The following RNGTT variants were observed in gnomAD, a reference collection of about 807,000 sequenced individuals.
RNGTT encodes the protein RNA guanylyltransferase and 5'-phosphatase.
A neutral mutation model predicts 79.3 loss-of-function variants in RNGTT; 33 were observed. The ratio of observed to expected loss-of-function variants is 0.42; its 90% confidence interval spans 0.32 to 0.56. The LOEUF (loss-of-function observed/expected upper bound fraction) is 0.56, where lower values mean the gene tolerates loss of function less well. RNGTT is among the 20% of genes least tolerant of loss of function. RNGTT has a pLI of 0.17. For missense variants in RNGTT, 497 were observed against 739.1 expected (o/e 0.67, Z 3.80); for synonymous variants, 222 against 235.9 (o/e 0.94, Z 0.54).
chr6:88,959,478 C>G (rs143785224), intron 1 of RNGTT, among the ~76,000 whole-genome samples: 2 of 152,286 alleles, frequency 1.3e-5, no homozygotes, highest in Non-Finnish European at 2.9e-5. Context: ...ATCTCATGTG[C>G]ATAAGCCAGA....
intron 8 of RNGTT, among the ~76,000 whole-genome samples, chr6:88,864,786 T>C (rs1386413422): frequency 6.6e-6 from 1 of 152,124 alleles, no homozygotes; most frequent in Admixed American, 6.6e-5. Context: ...TTGTGATATA[T>C]GCTACAGCAT....
chr6:88,849,260 C>T (rs756537075), intron 10 of RNGTT, among the ~76,000 whole-genome samples: 2 of 151,892 alleles, frequency 1.3e-5, no homozygotes, highest in Non-Finnish European at 2.9e-5. Context: ...GTTTTAAATA[C>T]AGAATTTCAA....
chr6:88,919,610 C>T (rs1042454220), intron 4 of RNGTT, among the ~76,000 whole-genome samples: 3 of 151,596 alleles, frequency 2.0e-5, no homozygotes, highest in African/African-American at 2.4e-5. Flanking sequence ...TGAGCCACCA[C>T]ACCTGGCCCA....
At chr6:88,914,819 T>C (rs1041937731) in intron 4 of RNGTT, among the ~76,000 whole-genome samples, 3 of 151,992 alleles carry the variant, frequency 2.0e-5, no homozygotes, top group Non-Finnish European at 2.9e-5. Context: ...AAATAAACTA[T>C]CAACAGAGTA....
intron 8 of RNGTT, among the ~76,000 whole-genome samples, chr6:88,872,629 C>A (rs111955095): frequency 6.6e-6 from 1 of 151,986 alleles, no homozygotes. Context: ...AACGATGAGA[C>A]AGTAAATATT....
At chr6:88,767,326 C>A (rs758005715) in intron 13 of RNGTT, among the ~76,000 whole-genome samples, 17 of 151,938 alleles carry the variant, frequency 1.1e-4, no homozygotes, top group Non-Finnish European at 2.2e-4. Flanking sequence ...ATATTTAAAA[C>A]GTACTATGAA....
chr6:88,729,197 G>C (rs1777024436), intron 13 of RNGTT, among the ~76,000 whole-genome samples: 1 of 152,124 alleles, frequency 6.6e-6, no homozygotes, highest in Non-Finnish European at 1.5e-5. Flanking sequence ...GAGTTCCTTG[G>C]AGACCTGAAG....
intron 15 of RNGTT, among the ~76,000 whole-genome samples, 184 bp from the exon 16 acceptor site, chr6:88,613,066 G>A (rs1000105564): frequency 6.6e-6 from 1 of 152,112 alleles, no homozygotes; most frequent in Non-Finnish European, 1.5e-5. Context: ...CTTGTCTAAT[G>A]GCTACTCTTT....
intron 14 of RNGTT, among the ~76,000 whole-genome samples, chr6:88,660,992 T>C (rs2756390): frequency 0.27 from 40,347 of 152,032 alleles, 9,347 homozygotes; most frequent in African/African-American, 0.63. Context: ...TGGAATAAAA[T>C]TGAAAATTAA....
chr6:88,771,229 C>T (rs754533463), intron 12 of RNGTT, among the ~76,000 whole-genome samples: 24 of 148,320 alleles, frequency 1.6e-4, no homozygotes, highest in Non-Finnish European at 4.5e-5. Flanking sequence ...ATGGTTTCAG[C>T]TGTTATTTTT....
intron 4 of RNGTT, among the ~76,000 whole-genome samples, chr6:88,922,577 G>GA (rs375367569): frequency 1.3e-5 from 2 of 152,080 alleles, no homozygotes; most frequent in African/African-American, 4.8e-5. Flanking sequence ...ACCCAGGCTG[G>GA]AGTGCAGTGG....
chr6:88,765,867 T>C (rs559196030), intron 13 of RNGTT, among the ~76,000 whole-genome samples: 61 of 152,072 alleles, frequency 4.0e-4, no homozygotes, highest in Non-Finnish European at 6.9e-4. Context: ...TTAACAGTTA[T>C]GACAAATTAC....
intron 2 of RNGTT, among the ~76,000 whole-genome samples, chr6:88,929,829 CACATAT>C (rs1430981831): frequency 1.3e-5 from 2 of 151,092 alleles, no homozygotes; most frequent in East Asian, 1.9e-4. Context: ...TACATATACA[CACATAT>C]ACATATACAC....
intron 8 of RNGTT, among the ~76,000 whole-genome samples, chr6:88,861,492 T>C (rs940427757): frequency 1.3e-5 from 2 of 152,220 alleles, no homozygotes; most frequent in Non-Finnish European, 2.9e-5. Flanking sequence ...TTGCAAGATA[T>C]ACCCATGTCT....
At chr6:88,710,086 CAA>C (rs932625400) in intron 13 of RNGTT, among the ~76,000 whole-genome samples, 2 of 152,198 alleles carry the variant, frequency 1.3e-5, no homozygotes, top group African/African-American at 4.8e-5. Flanking sequence ...AGTTGCTCCA[CAA>C]AGTCAATACA....
chr6:88,721,367 G>A (rs950411555), intron 13 of RNGTT, among the ~76,000 whole-genome samples: 4 of 152,006 alleles, frequency 2.6e-5, no homozygotes, highest in African/African-American at 9.7e-5. Flanking sequence ...TCTAAAGAAG[G>A]AAGCTGGGGT....
At chr6:88,633,270 A>G (rs1184241784) in intron 14 of RNGTT, among the ~76,000 whole-genome samples, 1 of 152,132 alleles carries the variant, frequency 6.6e-6, no homozygotes, top group Non-Finnish European at 1.5e-5. Flanking sequence ...GTGTAGAAAA[A>G]AAAAAGCTTG....
chr6:88,845,385 C>A (rs1382517024), intron 10 of RNGTT, among the ~76,000 whole-genome samples: 1 of 152,192 alleles, frequency 6.6e-6, no homozygotes, highest in East Asian at 1.9e-4. Flanking sequence ...ATAAAAAGTA[C>A]ATGAACACTT....
intron 1 of RNGTT, among the ~76,000 whole-genome samples, chr6:88,951,343 T>A (rs1785241060): frequency 6.6e-6 from 1 of 152,146 alleles, no homozygotes; most frequent in African/African-American, 2.4e-5. Context: ...GAATATTACA[T>A]AAACTTGATT....
Sources: allele counts gnomAD v4.1 joint callset (sites outside exome capture counted in the v4.1 genomes callset), GRCh38; gene constraint gnomAD v4.1.1; transcripts MANE v1.5; gene names NCBI Gene and HGNC (gene_info 2026-07-23, HGNC 2026-07-21).